The following NINJ2 variants were observed in gnomAD, a reference collection of about 807,000 sequenced individuals.
NINJ2 encodes the protein ninjurin 2, also known as ninjurin-2.
NINJ2 carries 12 observed loss-of-function variants against 11.7 expected under a neutral mutation model. The ratio of observed to expected loss-of-function variants is 1.02; its 90% CI spans 0.66 to 1.66. The LOEUF (loss-of-function observed/expected upper bound fraction) is 1.66. Ranked by LOEUF, NINJ2 falls within the 40% of genes most tolerant of loss-of-function variation. The pLI is 0.00. For synonymous variants in NINJ2, 93 were observed against 76.8 expected (o/e 1.21, Z -1.10); for missense variants, 187 against 181.8 (o/e 1.03, Z -0.16).
chr12:580,537 A>G lies in NINJ2; in HGVS notation c.34-14359T>C, dbSNP rs1289576737. ...TGGAGGCAAAGGTTGCAGGGAGACA[A>G]GATCACACCACTGCACTCCAGCCTG... On this transcript the variant is annotated intron_variant, in intron 1 of 3. Coordinates refer to ENST00000305108, the MANE Select transcript of NINJ2 (RefSeq NM_016533.6). This position sits in a 1 kb window ranked among gnomAD's most constrained non-coding sequence, Gnocchi z 4.7. Among the ~76,000 whole-genome samples, 1 of 151,968 alleles carries G rather than the reference A, an allele frequency of 6.6e-6. No homozygotes were observed. The highest frequency in any genetic ancestry group is 1.5e-5 in the Non-Finnish European group (1 of 67,988).
At chr12:611,616 A>C (rs11063862) in intron 1 of NINJ2, among the ~76,000 whole-genome samples, 10,405 of 152,344 alleles carry the variant, frequency 0.068, 480 homozygotes, top group Middle Eastern at 0.12. Context: ...GATTATAGGC[A>C]TGAGCCACTG....
chr12:589,004 T>C (rs778721999), intron 1 of NINJ2, among the ~76,000 whole-genome samples: 5 of 152,176 alleles, frequency 3.3e-5, no homozygotes, highest in Non-Finnish European at 7.3e-5. Context: ...AAATTTAAAA[T>C]AGTCTTACCT....
chr12:595,897 G>A (rs932351366), intron 1 of NINJ2, among the ~76,000 whole-genome samples: 1 of 152,142 alleles, frequency 6.6e-6, no homozygotes, highest in African/African-American at 2.4e-5. Context: ...CATCAATGAA[G>A]ACATAAAATG....
intron 1 of NINJ2, among the ~76,000 whole-genome samples, chr12:607,691 G>A (rs1947958282): frequency 6.6e-6 from 1 of 152,206 alleles, no homozygotes. Context: ...TTTCTCAGTA[G>A]AGCAAGCATT....
At chr12:582,776 T>G (rs1180444234) in intron 1 of NINJ2, among the ~76,000 whole-genome samples, 1 of 63,432 alleles carries the variant, frequency 1.6e-5, no homozygotes, top group Non-Finnish European at 2.9e-5. Flanking sequence ...CAGGCAGGCA[T>G]GCTAGAGTGA....
At chr12:595,938 G>A (rs1356162590) in intron 1 of NINJ2, among the ~76,000 whole-genome samples, 1 of 152,174 alleles carries the variant, frequency 6.6e-6, no homozygotes, top group African/African-American at 2.4e-5. Flanking sequence ...ATGTCCACAT[G>A]ATACGTCATC....
chr12:616,593 C>T (rs1441688660), intron 1 of NINJ2, among the ~76,000 whole-genome samples: 3 of 152,304 alleles, frequency 2.0e-5, no homozygotes, highest in Admixed American at 1.3e-4. Context: ...GCAGGAAACC[C>T]ACCCCATTCC....
At chr12:647,369 T>C (rs1937702410) in intron 1 of NINJ2, among the ~76,000 whole-genome samples, 1 of 152,212 alleles carries the variant, frequency 6.6e-6, no homozygotes, top group Non-Finnish European at 1.5e-5. Context: ...CCTCTCATCA[T>C]AGTGGCTGTA....
At chr12:578,054 G>A (rs903099620) in intron 1 of NINJ2, among the ~76,000 whole-genome samples, 2 of 152,074 alleles carry the variant, frequency 1.3e-5, no homozygotes, top group Non-Finnish European at 2.9e-5. Context: ...GTTAAAGATC[G>A]ACCCCTGACG....
Position 611,247 on chromosome 12 carries a change from C to CTT in NINJ2, c.34-45070_34-45069insAA, listed in dbSNP as rs150235437. On this transcript the variant is annotated intron_variant, in intron 1 of 3. Transcript: ENST00000305108. ...TTTCTTTTTCTTTCTTTCTTTCTTT[C>CTT]TCTCTCTCTCTTTCTTTCTTTCTTT... 1.8e-3 allele frequency among the ~76,000 whole-genome samples: 186 copies of CTT among 102,746 alleles called. 1 individual carries two copies. The highest frequency in any genetic ancestry group is 4.9e-3 in the African/African-American group (118 of 24,204). The allele number at this position is 102,746 out of a possible 152,430, so 67.4% of individuals were successfully genotyped here. A position where few individuals can be genotyped will look rare whatever the true frequency, so the allele number is the denominator to read the frequency against.
intron 1 of NINJ2, among the ~76,000 whole-genome samples, chr12:596,134 G>C (rs1257014202): frequency 6.6e-6 from 1 of 152,144 alleles, no homozygotes; most frequent in African/African-American, 2.4e-5. Context: ...TCTTCCATAC[G>C]ATCCAGCAAC....
chr12:586,242 GCCTA>G (rs1055020412), intron 1 of NINJ2: 3 of 152,296 alleles, frequency 2.0e-5, no homozygotes, highest in African/African-American at 7.2e-5. Flanking sequence ...AGCTGGCCCA[GCCTA>G]CCTGGAAGAG....
intron 1 of NINJ2, among the ~76,000 whole-genome samples, chr12:588,808 C>T (rs1261642073): frequency 6.6e-6 from 1 of 152,182 alleles, no homozygotes; most frequent in East Asian, 1.9e-4. Context: ...CATCACAAAT[C>T]TGTGTAATAG....
chr12:566,415 C>T (rs1198081588), intron 1 of NINJ2, among the ~76,000 whole-genome samples: 2 of 152,204 alleles, frequency 1.3e-5, no homozygotes, highest in East Asian at 1.9e-4. Context: ...AGAGTCACCC[C>T]TTCCCTCACA....
At chr12:643,928 T>G in intron 1 of NINJ2, 1 of 154,760 alleles carries the variant, frequency 6.5e-6, no homozygotes, top group Non-Finnish European at 1.5e-5. Context: ...CTATTGCAAT[T>G]GCCCATTTCC....
chr12:640,800 A>AT lies in NINJ2; in HGVS notation c.33+22527dup, dbSNP rs200088723. On this transcript the variant is annotated intron_variant, in intron 1 of 3. Coordinates refer to ENST00000305108, the MANE Select transcript of NINJ2 (RefSeq NM_016533.6). This position sits in a 1 kb window ranked among gnomAD's most constrained non-coding sequence, Gnocchi z 4.0. ...GGTGTGAATCATTGTGCTAGGCCACATTTTTTTTTAATTGTTCTGTTTGTG... is the reference window on the plus strand; with the variant it reads ...GGTGTGAATCATTGTGCTAGGCCACATTTTTTTTTTAATTGTTCTGTTTGTG... 3.9e-4 allele frequency: 59 copies of AT among 151,456 alleles called. No individual in the cohort carries two copies. Among genetic ancestry groups the AT allele is most frequent in the East Asian group, 1.4e-3 (7 of 5,168 alleles). The allele number at this position is 151,456 out of a possible 1,614,324, so 9.4% of individuals were successfully genotyped here.
chr12:640,131 C>G lies in NINJ2; in HGVS notation c.33+23197G>C, dbSNP rs1291099197. 2.0e-5 allele frequency among the ~76,000 whole-genome samples: 3 copies of G among 152,180 alleles called. No homozygotes were observed. Among genetic ancestry groups the G allele is most frequent in the Non-Finnish European group, 2.9e-5 (2 of 68,046 alleles). On this transcript the variant is annotated intron_variant, in intron 1 of 3. Transcript: ENST00000305108. The surrounding 1 kb of genome is among the most constrained non-coding windows in gnomAD (Gnocchi z 4.0). ...CACGGAATGTTTGCTCTCTAGCAGCCAAATACACTGGAACTGGCAGTAATG... is the reference window on the plus strand; with the variant it reads ...CACGGAATGTTTGCTCTCTAGCAGCGAAATACACTGGAACTGGCAGTAATG...
intron 1 of NINJ2, chr12:642,587 C>A (rs4980957): frequency 6.6e-6 from 1 of 152,116 alleles, no homozygotes; most frequent in Admixed American, 6.5e-5. Flanking sequence ...CAAGGACTCT[C>A]GTGAGAAAAA....
At chr12:649,821 T>C (rs1032445320) in intron 1 of NINJ2, among the ~76,000 whole-genome samples, 1 of 152,030 alleles carries the variant, frequency 6.6e-6, no homozygotes, top group Non-Finnish European at 1.5e-5. Flanking sequence ...TAAAGGAAAT[T>C]GAGATGAAGT....
Sources: gnomAD v4.1 joint callset for allele counts (sites outside exome capture counted in the v4.1 genomes callset) on GRCh38, gnomAD v4.1.1 for gene constraint, Gnocchi (gnomAD v3.1) non-coding constraint, MANE v1.5 for transcripts, NCBI Gene and HGNC (gene_info 2026-07-23, HGNC 2026-07-21) for gene names.